SERPINC1: variants seen among roughly 807,000 people sequenced by gnomAD.
The protein encoded by SERPINC1 is serpin family C member 1, also known as antithrombin-III.
In SERPINC1, 12 loss-of-function variants were observed where a neutral mutation model predicts 43.4. That is an observed-to-expected ratio of 0.28 (90% CI 0.18 to 0.45). The LOEUF (loss-of-function observed/expected upper bound fraction) is 0.45. Among genes scored for constraint, SERPINC1 ranks in the 20% least tolerant of loss-of-function variants. The pLI, the probability that SERPINC1 is intolerant of heterozygous loss-of-function variation, is 1.00. For missense variants in SERPINC1, 423 were observed against 578.8 expected (o/e 0.73, Z 2.76); for synonymous variants, 210 against 218.9 (o/e 0.96, Z 0.36).
rs2227624 is a variant in SERPINC1 at position 173,914,872 on chromosome 1, A to T, written c.89T>A (p.Val30Glu). The change falls in exon 2 of 7, where the codon GTG (valine) becomes GAG (glutamate). Residue 30 changes from valine to glutamate, a missense_variant. Transcript: ENST00000367698. Reference protein sequence around the residue: ...SLLLIGFWDCVTCHGSPVDIC... With the variant: ...SLLLIGFWDCETCHGSPVDIC... ...GTCCACAGGGCTCCCGTGACAGGTC[A>T]CGCAGTCCCAGAAGCCAATGAGCAG... 4,237 of 1,614,198 alleles carry T rather than the reference A, an allele frequency of 2.6e-3. 14 individuals are homozygous for T. The highest frequency in any genetic ancestry group is 3.2e-3 in the Non-Finnish European group (3,827 of 1,180,040).
intron 2 of SERPINC1, 112 bp downstream of exon 2, chr1:173,914,441 T>C: frequency 8.4e-7 from 1 of 1,189,650 alleles, no homozygotes; most frequent in Non-Finnish European, 1.3e-6. Context: ...TAATGCATAA[T>C]GAGCGCCCCT....
chr1:173,915,065 G>T (rs1657932946), intron 1 of SERPINC1, 146 bp from the exon 2 acceptor site: 1 of 1,517,174 alleles, frequency 6.6e-7, no homozygotes, highest in East Asian at 2.5e-5. Flanking sequence ...AAGTACAGGG[G>T]CCCGGGACAG....
At chr1:173,909,983 G>A (rs1657699818) in intron 4 of SERPINC1, 41 bp from the exon 5 acceptor site, 1 of 1,601,192 alleles carries the variant, frequency 6.2e-7, no homozygotes, top group Non-Finnish European at 8.6e-7. Flanking sequence ...ACATTCATAG[G>A]AGGATAGTTA....
At chr1:173,915,007 T>C (rs1657931564) in intron 1 of SERPINC1, 88 bp from the exon 2 acceptor site, 1 of 1,553,924 alleles carries the variant, frequency 6.4e-7, no homozygotes. Context: ...AAGCAGAGGA[T>C]TCCAGCCCAC....
Position 173,914,675 on chromosome 1 carries a change from G to C in SERPINC1, c.286C>G (p.Gln96Glu). 1 of 1,614,264 alleles carries C rather than the reference G, an allele frequency of 6.2e-7. No individual in the cohort carries two copies. The highest frequency in any genetic ancestry group is 8.5e-7 in the Non-Finnish European group (1 of 1,180,048). ...TCATTCTTGGAATCTGCCAGGTGCTGATAGAAAGTGGTAGCAAAGCGGGAA... is the reference window on the plus strand; with the variant it reads ...TCATTCTTGGAATCTGCCAGGTGCTCATAGAAAGTGGTAGCAAAGCGGGAA... ...ANSRFATTFY[Q>E]HLADSKNDND... Residue 96 changes from glutamine (Q) to glutamate (E), a missense_variant, in exon 2 of 7, where the codon CAG becomes GAG. Gln to Glu is a conservative substitution (Grantham distance 29, BLOSUM62 2). Transcript: ENST00000367698.
rs776344892 is a variant in SERPINC1, at chr1:173,907,402, C to A, written c.1218+48G>T. 2.1e-6 allele frequency: 3 copies of A among 1,428,682 alleles called. No homozygotes were observed. In the African/African-American group the frequency reaches 4.2e-5, roughly 20 times the overall value. The allele number at this position is 1,428,682 out of a possible 1,614,324, so 88.5% of individuals were successfully genotyped here. ...GCCTTTTCCACGTGTTCCTGCTGTTCATGCATCTCCTTTCTGTACCCTAAG... is the reference window on the plus strand; with the variant it reads ...GCCTTTTCCACGTGTTCCTGCTGTTAATGCATCTCCTTTCTGTACCCTAAG... On this transcript the variant is annotated intron_variant, in intron 6 of 6. Coordinates refer to ENST00000367698, the MANE Select transcript of SERPINC1 (RefSeq NM_000488.4).
At chr1:173,910,487 A>T (rs1657723330) in intron 4 of SERPINC1, among the ~76,000 whole-genome samples, 1 of 152,150 alleles carries the variant, frequency 6.6e-6, no homozygotes, top group African/African-American at 2.4e-5. Context: ...AGGCTGAGGC[A>T]GGAGAATGCC....
At chr1:173,911,752 A>G in intron 3 of SERPINC1, 47 bp downstream of exon 3, 1 of 1,412,148 alleles carries the variant, frequency 7.1e-7, no homozygotes, top group Non-Finnish European at 1.0e-6. Context: ...TCAATCTCTG[A>G]GTGGAGAGGA....
rs748553880 is a variant in SERPINC1, at chr1:173,910,907, A to T, written c.625-16T>A. 1.2e-6 allele frequency: 2 copies of T among 1,614,096 alleles called. No individual in the cohort carries two copies. The highest frequency in any genetic ancestry group is 4.5e-5 in the East Asian group (2 of 44,880). The stretch of plus-strand genomic sequence containing the variant: ...CTGCATTTTCCTGAGGAGAACAGAA[A>T]ATAAACCTACTCACCTGTGCTATTC... On this transcript the variant is annotated splice_polypyrimidine_tract_variant and intron_variant, in intron 3 of 6. Coordinates refer to ENST00000367698, the MANE Select transcript of SERPINC1 (RefSeq NM_000488.4).
intron 6 of SERPINC1, among the ~76,000 whole-genome samples, chr1:173,905,332 A>G (rs1657449164): frequency 6.6e-6 from 1 of 152,204 alleles, no homozygotes; most frequent in Admixed American, 6.5e-5. Flanking sequence ...GGTCATTGAC[A>G]TTCATTGTCC....
chr1:173,910,043 TC>T (rs1206925195), intron 4 of SERPINC1, 101 bp from the exon 5 acceptor site: 2 of 1,231,268 alleles, frequency 1.6e-6, no homozygotes, highest in African/African-American at 1.5e-5. Context: ...ATATAATTAT[TC>T]GGAAAAAAGA....
At position 173,911,942 on chromosome 1, in the gene SERPINC1, G is replaced by A. The variant is rs121909562; in HGVS notation, c.481C>T (p.Arg161Ter). 6.2e-7 allele frequency: 1 copy of A among 1,614,134 alleles called. No individual in the cohort carries two copies. The highest frequency in any genetic ancestry group is 8.5e-7 in the Non-Finnish European group (1 of 1,180,022). Residue 161 changes from arginine to a stop codon, truncating the protein, a stop_gained, in exon 3 of 7, where the codon CGA (arginine) becomes TGA (stop). Coordinates refer to ENST00000367698, the MANE Select transcript of SERPINC1 (RefSeq NM_000488.4). LOFTEE classifies it high-confidence loss of function. ...IHFFFAKLNC[R>*]LYRKANKSSK... ...GATTTGTTGGCTTTTCGATAGAGTC[G>A]GCAGTTCAGTTTGGCAAAGAAGAAG...
In SERPINC1 at chr1:173,904,030, G is replaced by A. The variant is rs559277597; in HGVS notation, c.1254C>T (p.Thr418=). Residue 418 remains threonine (T), a synonymous_variant, in exon 7 of 7, where the codon ACC becomes ACT. Coordinates refer to ENST00000367698, the MANE Select transcript of SERPINC1 (RefSeq NM_000488.4). The part of the protein sequence containing the change: ...NEEGSEAAAS[T]AVVIAGRSLN... ...GCGAACGGCCAGCAATCACAACAGC[G>A]GTACTTGCAGCTGCTTCACTGCCTT... 1.9e-5 allele frequency: 30 copies of A among 1,614,168 alleles called. No individual in the cohort carries two copies. Among genetic ancestry groups the A allele is most frequent in the South Asian group, 1.2e-4 (11 of 91,090 alleles).
At chr1:173,914,971 C>A (rs773309802) in intron 1 of SERPINC1, 52 bp from the exon 2 acceptor site, 14 of 1,588,822 alleles carry the variant, frequency 8.8e-6, no homozygotes, top group Middle Eastern at 1.8e-4. Context: ...CCTAGCCCCA[C>A]TGCCCACCAC....
At chr1:173,911,105 G>T (rs972029935) in intron 3 of SERPINC1, among the ~76,000 whole-genome samples, 9 of 151,856 alleles carry the variant, frequency 5.9e-5, no homozygotes, top group African/African-American at 2.2e-4. Flanking sequence ...AGAAGAAAAA[G>T]AACAAAAAGA....
intron 2 of SERPINC1, 122 bp from the exon 3 acceptor site, chr1:173,912,136 A>G: frequency 1.4e-6 from 1 of 740,732 alleles, no homozygotes; most frequent in East Asian, 2.6e-5. Flanking sequence ...CTTCAAGCAC[A>G]GTACCTGGGA....
intron 1 of SERPINC1, among the ~76,000 whole-genome samples, chr1:173,915,464 T>C (rs1657948288): frequency 6.6e-6 from 1 of 151,982 alleles, no homozygotes; most frequent in African/African-American, 2.4e-5. Context: ...TCACTTGAGG[T>C]TGGGTGTTCG....
chr1:173,914,991 C>T, intron 1 of SERPINC1, 72 bp from the exon 2 acceptor site: 1 of 1,568,142 alleles, frequency 6.4e-7, no homozygotes, highest in South Asian at 1.1e-5. Flanking sequence ...CAGGGTTGCC[C>T]CAGTAAAGCA....
intron 5 of SERPINC1, among the ~76,000 whole-genome samples, chr1:173,909,165 G>GTAA (rs111676908): frequency 4.1e-4 from 62 of 150,870 alleles, no homozygotes; most frequent in Admixed American, 1.5e-3. Context: ...TCTGTCTCAA[G>GTAA]TAATAATAAT....
Sources: allele counts gnomAD v4.1 joint callset (sites outside exome capture counted in the v4.1 genomes callset), GRCh38; gene constraint gnomAD v4.1.1; transcripts MANE v1.5; gene names NCBI Gene and HGNC (gene_info 2026-07-23, HGNC 2026-07-21).